PAN3: variants seen among roughly 807,000 people sequenced by gnomAD.
The protein encoded by PAN3 is poly(A) specific ribonuclease subunit PAN3, also known as PAN2-PAN3 deadenylation complex subunit PAN3.
In PAN3, 19 loss-of-function variants were observed where a neutral mutation model predicts 96.2. The observed-to-expected ratio is 0.20, with a 90% CI of 0.14 to 0.29. The LOEUF is 0.29. PAN3 is among the 10% of genes least tolerant of loss of function. PAN3 has a pLI of 1.00. For missense variants in PAN3, 882 were observed against 1,108.1 expected, an observed-to-expected ratio of 0.80 and a Z score of 2.90; for synonymous variants, 433 against 406.6, an observed-to-expected ratio of 1.06 and a Z score of -0.78.
At chr13:28,261,216 A>G (rs1885693037) in intron 8 of PAN3, among the ~76,000 whole-genome samples, 185 bp from the exon 9 acceptor site, 2 of 152,338 alleles carry the variant, frequency 1.3e-5, no homozygotes, top group South Asian at 4.1e-4. Context: ...TGGCATGTCT[A>G]AGTCTGTCTG....
At chr13:28,287,492 C>T (rs1593641827) in intron 17 of PAN3, among the ~76,000 whole-genome samples, 1 of 152,154 alleles carries the variant, frequency 6.6e-6, no homozygotes, top group African/African-American at 2.4e-5. Flanking sequence ...ACTGTAAGTT[C>T]CTAAGGTCAC....
rs958819721 is a variant in PAN3, at chr13:28,201,561, A to AT, written c.852+4226dup. On this transcript the variant is annotated intron_variant, in intron 5 of 18. Transcript: ENST00000380958. Reference sequence around the variant, plus strand: ...ACTCCATCTCAAAATAGTAATAATAATTTTTTTTTTTAAGAGACGGGGGAG... The same window carrying AT: ...ACTCCATCTCAAAATAGTAATAATAATTTTTTTTTTTTAAGAGACGGGGGAG... Among the ~76,000 whole-genome samples the AT allele has an allele frequency of 2.5e-3, 365 of 145,478 alleles. 2 individuals are homozygous for AT. Among genetic ancestry groups the AT allele is most frequent in the African/African-American group, 8.3e-3 (331 of 39,728 alleles).
rs527641788 is a variant in PAN3 at position 28,143,742 on chromosome 13, T to A, written c.430+4655T>A. On this transcript the variant is annotated intron_variant, in intron 1 of 18. Coordinates refer to ENST00000380958, the MANE Select transcript of PAN3 (RefSeq NM_175854.8). ...TAACCTCTGTATTTCCTTCTTCAAA[T>A]TTTTGAGGGCATACATTGAAGACTA... Among the ~76,000 whole-genome samples, 5 of 152,338 alleles carry A rather than the reference T, an allele frequency of 3.3e-5. No homozygotes were observed. The South Asian group carries it at 1.0e-3, about 32-fold the overall frequency.
intron 1 of PAN3, among the ~76,000 whole-genome samples, chr13:28,160,637 T>C (rs73156287): frequency 0.015 from 2,222 of 152,290 alleles, 22 homozygotes; most frequent in Middle Eastern, 0.041. Flanking sequence ...AATAACCATA[T>C]ATATCTTAAA....
intron 6 of PAN3, among the ~76,000 whole-genome samples, chr13:28,225,458 A>G (rs1207338235): frequency 2.0e-5 from 3 of 152,342 alleles, no homozygotes; most frequent in East Asian, 3.9e-4. Flanking sequence ...TTTAAATTAC[A>G]TAGTAGTTGG....
intron 6 of PAN3, among the ~76,000 whole-genome samples, chr13:28,223,360 A>G (rs968535280): frequency 4.6e-5 from 7 of 152,212 alleles, no homozygotes; most frequent in Non-Finnish European, 1.0e-4. Context: ...CCTATGAACA[A>G]TAGCTACATT....
Position 28,257,757 on chromosome 13 carries a change from T to TATATATA in PAN3, c.1248+1219_1248+1220insTATATAA, listed in dbSNP as rs1566235247. Among the ~76,000 whole-genome samples the TATATATA allele has an allele frequency of 3.2e-3, 439 of 138,780 alleles. 5 individuals are homozygous for TATATATA. Among genetic ancestry groups the TATATATA allele is most frequent in the African/African-American group, 0.011 (414 of 37,444 alleles). 91.0% of individuals were successfully genotyped at this position (138,780 alleles called of 152,430 possible). On this transcript the variant is annotated intron_variant, in intron 7 of 18. Transcript: ENST00000380958. The stretch of plus-strand genomic sequence containing the variant: ...ATATAAATTATATATAATATATAAT[T>TATATATA]AATTATATATTATATATAAATTATA...
chr13:28,161,272 C>T (rs1319097513), intron 1 of PAN3, among the ~76,000 whole-genome samples: 2 of 152,104 alleles, frequency 1.3e-5, no homozygotes, highest in Non-Finnish European at 2.9e-5. Flanking sequence ...AAGGTGTTGG[C>T]TGGATTGCCT....
intron 1 of PAN3, among the ~76,000 whole-genome samples, chr13:28,151,041 C>T (rs530855578): frequency 6.6e-6 from 1 of 152,194 alleles, no homozygotes; most frequent in East Asian, 1.9e-4. Flanking sequence ...AGGTAAACCT[C>T]ACTGGGGTTG....
chr13:28,252,765 C>CA lies in PAN3; in HGVS notation c.1001-3518dup, dbSNP rs879414444. On this transcript the variant is annotated intron_variant, in intron 6 of 18. Coordinates refer to ENST00000380958, the MANE Select transcript of PAN3 (RefSeq NM_175854.8). Reference sequence around the variant, plus strand: ...AGAATGTCATTTCAAGAGTAAATGACAAAAAAAAATACAAAAAATGAAATA... The same window carrying CA: ...AGAATGTCATTTCAAGAGTAAATGACAAAAAAAAAATACAAAAAATGAAATA... Among the ~76,000 whole-genome samples the CA allele has an allele frequency of 5.8e-3, 864 of 148,314 alleles. 8 individuals are homozygous for CA. The highest frequency in any genetic ancestry group is 0.019 in the African/African-American group (766 of 40,486).
intron 2 of PAN3, among the ~76,000 whole-genome samples, chr13:28,174,861 A>C (rs1253671308): frequency 6.7e-6 from 1 of 149,384 alleles, no homozygotes; most frequent in Non-Finnish European, 1.5e-5. Flanking sequence ...TTGCATATAG[A>C]AGCATAGTGC....
At chr13:28,254,235 T>C (rs1884967102) in intron 6 of PAN3, among the ~76,000 whole-genome samples, 1 of 152,212 alleles carries the variant, frequency 6.6e-6, no homozygotes, top group Admixed American at 6.5e-5. Flanking sequence ...CTTGATTATG[T>C]TGCTGAATTA....
intron 17 of PAN3, among the ~76,000 whole-genome samples, chr13:28,283,939 C>T (rs1868622706): frequency 6.6e-6 from 1 of 152,146 alleles, no homozygotes; most frequent in Middle Eastern, 3.2e-3. Flanking sequence ...AGTTTATTCC[C>T]CAGTTCCCTA....
chr13:28,215,658 G>T (rs980111746), intron 5 of PAN3: 421 of 1,406,054 alleles, frequency 3.0e-4, no homozygotes, highest in Non-Finnish European at 3.8e-4. Context: ...TTGCCATTTT[G>T]GTAATAAGCT....
At chr13:28,252,188 CTTTTTTTT>C in intron 6 of PAN3, among the ~76,000 whole-genome samples, 1 of 112,524 alleles carries the variant, frequency 8.9e-6, no homozygotes, top group South Asian at 3.0e-4. Flanking sequence ...GCGACGGGCC[CTTTTTTTT>C]TTTTTTTTTT....
intron 1 of PAN3, among the ~76,000 whole-genome samples, chr13:28,149,071 T>A (rs986328354): frequency 1.3e-5 from 2 of 151,692 alleles, no homozygotes; most frequent in Non-Finnish European, 2.9e-5. Context: ...AAAAAAACAC[T>A]GTGTGGGGTG....
intron 1 of PAN3, among the ~76,000 whole-genome samples, chr13:28,146,579 G>C (rs1401678700): frequency 2.0e-5 from 3 of 152,172 alleles, no homozygotes; most frequent in Admixed American, 1.3e-4. Flanking sequence ...CATGCTAGGT[G>C]ATATGGTCTA....
Position 28,288,424 on chromosome 13 carries a change from C to T in PAN3, c.2523+302C>T, listed in dbSNP as rs151205734. On this transcript the variant is annotated intron_variant, in intron 18 of 18. Coordinates refer to ENST00000380958, the MANE Select transcript of PAN3 (RefSeq NM_175854.8). ...AAGTGATTCTCCTGCCTGAGCCTCC[C>T]GAGTAGCTAGGATTACAGGCACCCA... 1.9e-3 allele frequency among the ~76,000 whole-genome samples: 295 copies of T among 152,206 alleles called. 2 individuals carry two copies. Among genetic ancestry groups the T allele is most frequent in the Middle Eastern group, 3.4e-3 (1 of 294 alleles).
At chr13:28,207,663 C>T (rs1879536886) in intron 5 of PAN3, among the ~76,000 whole-genome samples, 1 of 152,166 alleles carries the variant, frequency 6.6e-6, no homozygotes, top group Non-Finnish European at 1.5e-5. Flanking sequence ...GTCTTATGGC[C>T]TAATTAAACA....
Sources: gnomAD v4.1 joint callset for allele counts (sites outside exome capture counted in the v4.1 genomes callset) on GRCh38, gnomAD v4.1.1 for gene constraint, MANE v1.5 for transcripts, NCBI Gene and HGNC (gene_info 2026-07-23, HGNC 2026-07-21) for gene names.